Variants in DHX57 observed in about 807,000 individuals in gnomAD.
DHX57 encodes the protein DExH-box helicase 57.
Under a neutral mutation model 156.2 loss-of-function variants are expected in DHX57, and 105 were observed. The ratio of observed to expected loss-of-function variants is 0.67; its 90% confidence interval spans 0.57 to 0.79. The LOEUF (loss-of-function observed/expected upper bound fraction) is 0.79. Among genes scored for constraint, DHX57 ranks in the 30% least tolerant of loss-of-function variants. The pLI is 0.00. For synonymous variants in DHX57, 704 were observed against 595.6 expected (o/e 1.18, Z -2.65); for missense variants, 1,847 against 1,661.9 (o/e 1.11, Z -1.94).
chr2:38,835,718 T>C lies in DHX57; in HGVS notation c.2542+2113A>G, dbSNP rs542311247. Among the ~76,000 whole-genome samples the C allele has an allele frequency of 1.1e-3, 169 of 152,336 alleles. 2 individuals are homozygous for C. Among genetic ancestry groups the C allele is most frequent in the Non-Finnish European group, 1.7e-3 (116 of 68,034 alleles). ...CATCATGAAAGTCTGGAAGGATTAC[T>C]TCATTGAAGATGCCACGGTTGTTAT... On this transcript the variant is annotated intron_variant, in intron 13 of 23. Coordinates refer to ENST00000457308, the MANE Select transcript of DHX57 (RefSeq NM_198963.3).
At chr2:38,801,555 G>A (rs1438014290) in intron 23 of DHX57, among the ~76,000 whole-genome samples, 6 of 151,346 alleles carry the variant, frequency 4.0e-5, no homozygotes, top group South Asian at 2.1e-4. Flanking sequence ...GATTACAGGC[G>A]CCCGCCACCA....
chr2:38,845,713 T>C (rs560828326), intron 11 of DHX57, among the ~76,000 whole-genome samples: 33 of 152,152 alleles, frequency 2.2e-4, no homozygotes, highest in Admixed American at 1.6e-3. Context: ...GAAGAGAAAG[T>C]AGGGCTTTCA....
At chr2:38,828,543 A>G in intron 13 of DHX57, 107 bp from the exon 14 acceptor site, 1 of 720,814 alleles carries the variant, frequency 1.4e-6, no homozygotes, top group East Asian at 3.1e-5. Context: ...TGAAAAACTA[A>G]TATAGATTAT....
chr2:38,839,699 G>A (rs1049051132), intron 12 of DHX57, among the ~76,000 whole-genome samples: 7 of 149,640 alleles, frequency 4.7e-5, no homozygotes, highest in South Asian at 2.1e-4. Context: ...CCTGCTGGGC[G>A]ACAGAGCAAG....
chr2:38,843,208 T>C lies in DHX57; in HGVS notation c.2222A>G (p.Tyr741Cys), dbSNP rs1264161643. ...ATATGGGCTCCCATCCTGTAATACATACCTGAGAAAGACAAAGGAATGTGG... is the reference window on the plus strand; with the variant it reads ...ATATGGGCTCCCATCCTGTAATACACACCTGAGAAAGACAAAGGAATGTGG... ...FLEDAIAVTR[Y>C]VLQDGSPYMR... The change falls in exon 12 of 24, where the codon TAT becomes TGT. Residue 741 changes from tyrosine to cysteine, a missense_variant and splice_region_variant. Transcript: ENST00000457308. 1.2e-6 allele frequency: 2 copies of C among 1,613,862 alleles called. No individual in the cohort carries two copies. Among genetic ancestry groups the C allele is most frequent in the Non-Finnish European group, 1.7e-6 (2 of 1,179,910 alleles).
intron 1 of DHX57, among the ~76,000 whole-genome samples, chr2:38,874,948 C>T (rs1450786048): frequency 2.0e-5 from 3 of 152,154 alleles, no homozygotes; most frequent in Non-Finnish European, 4.4e-5. Context: ...TAGATTAGAA[C>T]TTCATCTCAA....
intron 3 of DHX57, chr2:38,863,108 G>A (rs1368653010): frequency 7.8e-6 from 3 of 383,888 alleles, no homozygotes; most frequent in Non-Finnish European, 9.3e-6. Flanking sequence ...AGATAAATCA[G>A]TTACTGAATC....
intron 11 of DHX57, among the ~76,000 whole-genome samples, 162 bp downstream of exon 11, chr2:38,846,857 T>C (rs557630260): frequency 1.3e-5 from 2 of 149,398 alleles, no homozygotes; most frequent in African/African-American, 2.5e-5. Flanking sequence ...CACTGAATCT[T>C]TTTTTTTTTC....
In DHX57 at chr2:38,840,242, G is replaced by C. The variant is rs1671913025; in HGVS notation, c.2426-2295C>G. 2.0e-5 allele frequency among the ~76,000 whole-genome samples: 3 copies of C among 152,086 alleles called. No individual in the cohort carries two copies. The South Asian group carries it at 6.2e-4, about 31-fold the overall frequency. ...TTATAGGCATGAGCCACTGTGCCCA[G>C]CCAAATCAATAATATATTTTAAATG... On this transcript the variant is annotated intron_variant, in intron 12 of 23. Coordinates refer to ENST00000457308, the MANE Select transcript of DHX57 (RefSeq NM_198963.3).
intron 1 of DHX57, among the ~76,000 whole-genome samples, chr2:38,875,168 A>G (rs1357471946): frequency 6.6e-6 from 1 of 152,238 alleles, no homozygotes; most frequent in Non-Finnish European, 1.5e-5. Context: ...TCAAGGGAAT[A>G]GGAATTAGGT....
chr2:38,804,425 G>C (rs1669846589), intron 22 of DHX57, among the ~76,000 whole-genome samples: 1 of 152,168 alleles, frequency 6.6e-6, no homozygotes, highest in Non-Finnish European at 1.5e-5. Context: ...GGGAAGTGGA[G>C]GTTGCAGTGA....
chr2:38,817,110 T>A (rs1257235723), intron 19 of DHX57, among the ~76,000 whole-genome samples: 1 of 152,126 alleles, frequency 6.6e-6, no homozygotes, highest in Non-Finnish European at 1.5e-5. Context: ...TTTATATTTT[T>A]TTGTAGAGAT....
intron 21 of DHX57, among the ~76,000 whole-genome samples, chr2:38,807,381 G>A (rs975914879): frequency 7.3e-5 from 11 of 151,174 alleles, no homozygotes; most frequent in Admixed American, 2.0e-4. Flanking sequence ...TTTTTGAGAC[G>A]TAGTCTCCCT....
intron 8 of DHX57, 133 bp from the exon 9 acceptor site, chr2:38,854,311 T>C (rs1418268485): frequency 3.6e-6 from 3 of 825,302 alleles, no homozygotes; most frequent in African/African-American, 1.7e-5. Flanking sequence ...TAGGAAACCA[T>C]ACTAAACATA....
intron 11 of DHX57, among the ~76,000 whole-genome samples, chr2:38,845,712 G>C (rs1490940092): frequency 6.6e-6 from 1 of 152,076 alleles, no homozygotes; most frequent in African/African-American, 2.4e-5. Context: ...AGAAGAGAAA[G>C]TAGGGCTTTC....
At chr2:38,801,410 C>T (rs796681204) in intron 23 of DHX57, among the ~76,000 whole-genome samples, 9 of 149,118 alleles carry the variant, frequency 6.0e-5, no homozygotes, top group South Asian at 4.3e-4. Flanking sequence ...ATCTATCTAT[C>T]TATTTATTTA....
intron 12 of DHX57, among the ~76,000 whole-genome samples, 153 bp downstream of exon 12, chr2:38,842,852 T>C (rs1672079611): frequency 6.6e-6 from 1 of 152,226 alleles, no homozygotes; most frequent in South Asian, 2.1e-4. Flanking sequence ...AATATGTATC[T>C]GAACTATTTT....
intron 9 of DHX57, among the ~76,000 whole-genome samples, chr2:38,850,273 CTATAACGTTTTTCTTACCTTTT>C (rs1672514273): frequency 6.6e-6 from 1 of 152,116 alleles, no homozygotes; most frequent in Non-Finnish European, 1.5e-5. Flanking sequence ...TTCACTTTAT[CTATAACGTTTTTCTTACCTTTT>C]TTTTTGAGAC....
At chr2:38,822,594 C>T (rs1670881090) in intron 17 of DHX57, among the ~76,000 whole-genome samples, 1 of 151,974 alleles carries the variant, frequency 6.6e-6, no homozygotes, top group Non-Finnish European at 1.5e-5. Flanking sequence ...AGGGTTTCAC[C>T]ATGTTGGCCA....
Sources: allele counts gnomAD v4.1 joint callset (sites outside exome capture counted in the v4.1 genomes callset), GRCh38; gene constraint gnomAD v4.1.1; transcripts MANE v1.5; gene names NCBI Gene and HGNC (gene_info 2026-07-23, HGNC 2026-07-21).